Variants in ACER3 observed in about 807,000 individuals in gnomAD.
The protein encoded by ACER3 is alkaline ceramidase 3.
ACER3 carries 16 observed loss-of-function variants against 48.9 expected under a neutral mutation model. That is an observed-to-expected ratio of 0.33 (90% confidence interval 0.22 to 0.50). ACER3 has a LOEUF of 0.50. Among genes scored for constraint, ACER3 ranks in the 20% least tolerant of loss-of-function variants. The pLI is 0.98. For synonymous variants in ACER3, 109 were observed against 107.8 expected, an observed-to-expected ratio of 1.01 and a Z score of -0.07; for missense variants, 227 against 326.0, an observed-to-expected ratio of 0.70 and a Z score of 2.34.
At chr11:76,957,243 A>G (rs1174546986) in intron 2 of ACER3, among the ~76,000 whole-genome samples, 1 of 152,164 alleles carries the variant, frequency 6.6e-6, no homozygotes, top group Non-Finnish European at 1.5e-5. Flanking sequence ...GGCAAATAGG[A>G]TGCACTCAGT....
intron 2 of ACER3, among the ~76,000 whole-genome samples, chr11:76,938,014 T>TTGTC (rs1947241248): frequency 6.6e-6 from 1 of 152,138 alleles, no homozygotes; most frequent in African/African-American, 2.4e-5. Flanking sequence ...GGTTGTTTGT[T>TTGTC]TGTCGTGGTT....
chr11:76,995,038 G>A (rs1265470046), intron 6 of ACER3, among the ~76,000 whole-genome samples: 2 of 151,986 alleles, frequency 1.3e-5, no homozygotes, highest in Non-Finnish European at 2.9e-5. Context: ...ACTGAGAAAG[G>A]ATTTTTTTAA....
rs962407119 is a variant in ACER3, at chr11:77,004,438, A to G, written c.497+5617A>G. Among the ~76,000 whole-genome samples, 23 of 152,222 alleles carry G rather than the reference A, an allele frequency of 1.5e-4. No individual in the cohort carries two copies. In the East Asian group the frequency reaches 4.2e-3, roughly 28 times the overall value. On this transcript the variant is annotated intron_variant, in intron 7 of 10. Coordinates refer to ENST00000532485, the MANE Select transcript of ACER3 (RefSeq NM_018367.7). ...CACCGACTTAGCTATTTAATGCTCA[A>G]TGGTATTTTTTAGTTATTCTGTATC...
chr11:77,007,424 T>G lies in ACER3; in HGVS notation c.498-7592T>G, dbSNP rs1313496749. On this transcript the variant is annotated intron_variant, in intron 7 of 10. Transcript: ENST00000532485. ...AGTCTAGGTTCCTCTTTGGCCTCTG[T>G]TGGCAAGCCAGGGGGAGAAGAGGCT... Among the ~76,000 whole-genome samples, 3 of 152,176 alleles carry G rather than the reference T, an allele frequency of 2.0e-5. No homozygotes were observed. In the East Asian group the frequency reaches 5.8e-4, roughly 29 times the overall value.
At chr11:76,995,749 A>G (rs1303674649) in intron 6 of ACER3, among the ~76,000 whole-genome samples, 2 of 152,134 alleles carry the variant, frequency 1.3e-5, no homozygotes, top group Non-Finnish European at 2.9e-5. Flanking sequence ...GGGGAGCATC[A>G]AAAGTATGGG....
chr11:76,965,698 CAGCCAAACTA>C (rs759452230), intron 3 of ACER3, among the ~76,000 whole-genome samples: 2,299 of 151,072 alleles, frequency 0.015, 66 homozygotes, highest in East Asian at 0.12. Context: ...ATTTCATATC[CAGCCAAACTA>C]AGCTTCATAA....
intron 2 of ACER3, among the ~76,000 whole-genome samples, chr11:76,942,442 CTTTT>C (rs1309359803): frequency 3.3e-5 from 5 of 151,500 alleles, no homozygotes; most frequent in African/African-American, 1.2e-4. Flanking sequence ...GTTCTTCATT[CTTTT>C]TATGTGATGA....
chr11:76,957,870 C>T (rs1439066931), intron 2 of ACER3, among the ~76,000 whole-genome samples: 3 of 151,994 alleles, frequency 2.0e-5, no homozygotes, highest in Non-Finnish European at 4.4e-5. Context: ...TTATAAAACG[C>T]TAAAATGAAA....
At chr11:76,939,856 A>G (rs182436478) in intron 2 of ACER3, among the ~76,000 whole-genome samples, 2 of 152,350 alleles carry the variant, frequency 1.3e-5, no homozygotes, top group East Asian at 1.9e-4. Context: ...GCTAAATGCA[A>G]TATGTAATCA....
chr11:76,869,741 ACT>A (rs1402140350), intron 1 of ACER3, among the ~76,000 whole-genome samples: 2 of 152,188 alleles, frequency 1.3e-5, no homozygotes, highest in East Asian at 3.8e-4. Context: ...ACCATACAGT[ACT>A]TGTCTTTTTG....
At chr11:76,956,472 A>G (rs1947843827) in intron 2 of ACER3, among the ~76,000 whole-genome samples, 1 of 152,194 alleles carries the variant, frequency 6.6e-6, no homozygotes, top group Non-Finnish European at 1.5e-5. Flanking sequence ...TGTGTTACCC[A>G]GATTGTTGAA....
At chr11:76,920,212 G>A (rs1305126714) in intron 1 of ACER3, among the ~76,000 whole-genome samples, 1 of 152,106 alleles carries the variant, frequency 6.6e-6, no homozygotes, top group Non-Finnish European at 1.5e-5. Context: ...GTCAGCTTCT[G>A]GTGCCAGGCT....
intron 2 of ACER3, among the ~76,000 whole-genome samples, chr11:76,953,837 A>C (rs1947757810): frequency 1.3e-5 from 2 of 152,206 alleles, no homozygotes. Context: ...TTTAAAATGC[A>C]AAACTGATTA....
At chr11:76,943,856 G>A (rs1460224234) in intron 2 of ACER3, among the ~76,000 whole-genome samples, 1 of 149,892 alleles carries the variant, frequency 6.7e-6, no homozygotes, top group African/African-American at 2.4e-5. Context: ...ATATATTTAA[G>A]ATTGTCATAT....
intron 2 of ACER3, among the ~76,000 whole-genome samples, chr11:76,946,524 C>T (rs1480916528): frequency 6.6e-6 from 1 of 152,190 alleles, no homozygotes; most frequent in Non-Finnish European, 1.5e-5. Flanking sequence ...GCATTAAACT[C>T]TCAATATGGT....
At chr11:76,948,981 A>T (rs1048854145) in intron 2 of ACER3, among the ~76,000 whole-genome samples, 1 of 152,230 alleles carries the variant, frequency 6.6e-6, no homozygotes, top group African/African-American at 2.4e-5. Context: ...AGCTCTCTAA[A>T]GTTAGTAATA....
chr11:76,937,840 T>G (rs896803147), intron 2 of ACER3, among the ~76,000 whole-genome samples: 1 of 152,234 alleles, frequency 6.6e-6, no homozygotes, highest in Non-Finnish European at 1.5e-5. Context: ...AGACTAAATC[T>G]GATTAACTTT....
Position 76,998,758 on chromosome 11 carries a change from T to C in ACER3, c.439-5T>C. The C allele has an allele frequency of 6.3e-7, 1 of 1,589,876 alleles. No individual in the cohort carries two copies. Among genetic ancestry groups the C allele is most frequent in the Non-Finnish European group, 8.6e-7 (1 of 1,169,376 alleles). ...GTACTAACCTCATTTTCCGTTCCTA[T>C]TTAGGTCATGTATGGAATGTTGGTC... On this transcript the variant is annotated splice_polypyrimidine_tract_variant and splice_region_variant and intron_variant, in intron 6 of 10. Coordinates refer to ENST00000532485, the MANE Select transcript of ACER3 (RefSeq NM_018367.7).
At chr11:76,932,464 T>G (rs1947032688) in intron 2 of ACER3, among the ~76,000 whole-genome samples, 1 of 152,226 alleles carries the variant, frequency 6.6e-6, no homozygotes, top group African/African-American at 2.4e-5. Flanking sequence ...TTGATTATCT[T>G]CAAAAGGAAG....
Sources: gnomAD v4.1 joint callset for allele counts (sites outside exome capture counted in the v4.1 genomes callset) on GRCh38, gnomAD v4.1.1 for gene constraint, MANE v1.5 for transcripts, NCBI Gene and HGNC (gene_info 2026-07-23, HGNC 2026-07-21) for gene names.